GOLGA7B: variants seen among roughly 807,000 people sequenced by gnomAD.
The protein encoded by GOLGA7B is golgin subfamily A member 7B.
GOLGA7B carries 17 observed loss-of-function variants against 21.5 expected under a neutral mutation model. The ratio of observed to expected loss-of-function variants is 0.79; its 90% CI spans 0.54 to 1.19. GOLGA7B has a LOEUF of 1.19. Ranked by LOEUF, GOLGA7B falls within the 50% of genes most tolerant of loss-of-function variation. The pLI, the probability that GOLGA7B is intolerant of heterozygous loss-of-function variation, is 0.00. For missense variants in GOLGA7B, 169 were observed against 224.4 expected (o/e 0.75, Z 1.58); for synonymous variants, 87 against 84.0 (o/e 1.04, Z -0.19).
rs1467247466 is a variant in GOLGA7B, at chr10:97,859,495, T to C, written c.50T>C (p.Leu17Pro). ...CAGGAGCTCCGGCGAAGTGCCTCAC[T>C]GGCCACCAAGGTCTTTATCCAGAGA... ...NLQELRRSAS[L>P]ATKVFIQRDY... Residue 17 changes from leucine (L) to proline (P), a missense_variant, in exon 2 of 5, where the codon CTG (leucine) becomes CCG (proline). Physicochemically the swap from Leu to Pro is moderately conservative, Grantham distance 98. Coordinates refer to ENST00000370602, the MANE Select transcript of GOLGA7B (RefSeq NM_001010917.3). The C allele has an allele frequency of 6.2e-7, 1 of 1,614,204 alleles. No homozygotes were observed. Among genetic ancestry groups the C allele is most frequent in the East Asian group, 2.2e-5 (1 of 44,878 alleles).
At chr10:97,851,817 C>A in intron 1 of GOLGA7B, among the ~76,000 whole-genome samples, 1 of 152,252 alleles carries the variant, frequency 6.6e-6, no homozygotes, top group East Asian at 1.9e-4. Context: ...AGATTCCAAC[C>A]AGCAGGCTTC....
intron 2 of GOLGA7B, among the ~76,000 whole-genome samples, chr10:97,861,177 A>G (rs185050985): frequency 6.6e-6 from 1 of 152,344 alleles, no homozygotes; most frequent in African/African-American, 2.4e-5. Flanking sequence ...GAAGCTCCAC[A>G]CTAGTCCATC....
chr10:97,853,950 G>A (rs888258040), intron 1 of GOLGA7B, among the ~76,000 whole-genome samples: 6 of 152,170 alleles, frequency 3.9e-5, no homozygotes, highest in Non-Finnish European at 7.3e-5. Context: ...CCATGGGTGT[G>A]CCTTACTTAG....
intron 1 of GOLGA7B, among the ~76,000 whole-genome samples, chr10:97,851,900 T>C (rs2049907891): frequency 6.6e-6 from 1 of 152,244 alleles, no homozygotes; most frequent in Non-Finnish European, 1.5e-5. Context: ...GGAGGGGCTC[T>C]GCTCATAACG....
At chr10:97,859,099 G>C (rs1471993236) in intron 1 of GOLGA7B, among the ~76,000 whole-genome samples, 1 of 152,184 alleles carries the variant, frequency 6.6e-6, no homozygotes, top group Non-Finnish European at 1.5e-5. Flanking sequence ...TGTCACCCAG[G>C]CTGGAGTGCA....
intron 2 of GOLGA7B, among the ~76,000 whole-genome samples, chr10:97,860,137 T>G (rs1426984190): frequency 6.6e-6 from 1 of 152,204 alleles, no homozygotes; most frequent in Admixed American, 6.5e-5. Flanking sequence ...TGTTTAAACT[T>G]TAGTATTTAT....
At chr10:97,858,022 A>G (rs1418415474) in intron 1 of GOLGA7B, among the ~76,000 whole-genome samples, 1 of 152,066 alleles carries the variant, frequency 6.6e-6, no homozygotes, top group Non-Finnish European at 1.5e-5. Context: ...TAATCTGCAA[A>G]CCACCTCCAT....
rs898652938 is a variant in GOLGA7B at position 97,870,872 on chromosome 10, C to G, written c.*5172C>G. On this transcript the variant is annotated 3_prime_UTR_variant, in exon 5 of 5. Coordinates refer to ENST00000370602, the MANE Select transcript of GOLGA7B (RefSeq NM_001010917.3). ...CCAGGAGTTCTTAACCTCGACCCGA[C>G]TGCATTCAGGTGCATATTATGTGCC... 2.0e-5 allele frequency: 3 copies of G among 152,158 alleles called. No individual in the cohort carries two copies. The highest frequency in any genetic ancestry group is 7.2e-5 in the African/African-American group (3 of 41,420). The allele number at this position is 152,158 out of a possible 1,614,324, so 9.4% of individuals were successfully genotyped here.
chr10:97,860,677 T>A (rs1182755804), intron 2 of GOLGA7B, among the ~76,000 whole-genome samples: 1 of 152,232 alleles, frequency 6.6e-6, no homozygotes, highest in Non-Finnish European at 1.5e-5. Context: ...TAAGCCTTAA[T>A]TTTTAATGAG....
At chr10:97,859,963 C>T (rs1320166663) in intron 2 of GOLGA7B, among the ~76,000 whole-genome samples, 1 of 152,202 alleles carries the variant, frequency 6.6e-6, no homozygotes. Context: ...CATTTATTAG[C>T]AGCTGTTCTC....
At chr10:97,858,576 G>A (rs1407137219) in intron 1 of GOLGA7B, among the ~76,000 whole-genome samples, 1 of 152,198 alleles carries the variant, frequency 6.6e-6, no homozygotes, top group East Asian at 1.9e-4. Context: ...TAGAGTCTGT[G>A]TCAATGTGAA....
At chr10:97,864,401 G>A in intron 4 of GOLGA7B, 132 bp downstream of exon 4, 1 of 676,106 alleles carries the variant, frequency 1.5e-6, no homozygotes, top group Non-Finnish European at 2.6e-6. Flanking sequence ...CACATCAGTG[G>A]TCCTCAGCCC....
intron 2 of GOLGA7B, among the ~76,000 whole-genome samples, chr10:97,863,088 C>T (rs2049981291): frequency 6.6e-6 from 1 of 152,160 alleles, no homozygotes; most frequent in Non-Finnish European, 1.5e-5. Flanking sequence ...TTGATCACAG[C>T]TGTGACATAA....
At chr10:97,850,849 AC>A (rs2049901201) in intron 1 of GOLGA7B, among the ~76,000 whole-genome samples, 1 of 140,948 alleles carries the variant, frequency 7.1e-6, no homozygotes, top group Admixed American at 7.0e-5. Context: ...TTGCTTTTTT[AC>A]CCCATTCGAG....
chr10:97,864,416 CCA>C (rs1340396307), intron 4 of GOLGA7B, 147 bp downstream of exon 4: 3 of 630,568 alleles, frequency 4.8e-6, no homozygotes, highest in Non-Finnish European at 8.4e-6. Flanking sequence ...CAGCCCTCCT[CCA>C]CCACCCTAAG....
At chr10:97,858,442 C>T (rs1564865314) in intron 1 of GOLGA7B, among the ~76,000 whole-genome samples, 3 of 152,118 alleles carry the variant, frequency 2.0e-5, no homozygotes, top group South Asian at 2.1e-4. Context: ...TTGGTCTCCA[C>T]GTGTTCTCAG....
At chr10:97,852,480 C>T (rs2136512095) in intron 1 of GOLGA7B, among the ~76,000 whole-genome samples, 1 of 152,276 alleles carries the variant, frequency 6.6e-6, no homozygotes, top group East Asian at 1.9e-4. Flanking sequence ...GGCAGGAAGC[C>T]TTAGCTCTGC....
intron 1 of GOLGA7B, among the ~76,000 whole-genome samples, chr10:97,850,538 CTTG>C (rs1564863489): frequency 1.3e-5 from 2 of 152,194 alleles, no homozygotes; most frequent in East Asian, 1.9e-4. Flanking sequence ...GTCCGCGACA[CTTG>C]TTGGCATTAG....
At position 97,851,721 on chromosome 10, in the gene GOLGA7B, G is replaced by A. The variant is rs150687191; in HGVS notation, c.12+1406G>A. Among the ~76,000 whole-genome samples the A allele has an allele frequency of 6.6e-5, 10 of 152,340 alleles. No homozygotes were observed. In the South Asian group the frequency reaches 1.2e-3, roughly 19 times the overall value. Reference sequence around the variant, plus strand: ...ACATGGGCATGGCTGGGCCAGCAGCGTGGGCAGAGAAGGCAGCTGCCTCTG... The same window carrying A: ...ACATGGGCATGGCTGGGCCAGCAGCATGGGCAGAGAAGGCAGCTGCCTCTG... On this transcript the variant is annotated intron_variant, in intron 1 of 4. Transcript: ENST00000370602.
Sources: gnomAD v4.1 joint callset for allele counts (sites outside exome capture counted in the v4.1 genomes callset) on GRCh38, gnomAD v4.1.1 for gene constraint, MANE v1.5 for transcripts, NCBI Gene and HGNC (gene_info 2026-07-23, HGNC 2026-07-21) for gene names.